ANO10: variants seen among roughly 807,000 people sequenced by gnomAD.
ANO10 encodes anoctamin 10, also known as anoctamin-10.
In ANO10, 77 loss-of-function variants were observed where a neutral mutation model predicts 74.7. The ratio of observed to expected loss-of-function variants is 1.03; its 90% CI spans 0.86 to 1.25. The LOEUF (loss-of-function observed/expected upper bound fraction) is 1.25. ANO10 is among the 50% of genes most tolerant of loss of function. The pLI is 0.00. For missense variants in ANO10, 721 were observed against 778.1 expected, an observed-to-expected ratio of 0.93 and a Z score of 0.87; for synonymous variants, 279 against 284.9, an observed-to-expected ratio of 0.98 and a Z score of 0.21.
chr3:43,523,444 G>C (rs1181999948), intron 11 of ANO10, among the ~76,000 whole-genome samples: 3 of 152,194 alleles, frequency 2.0e-5, no homozygotes, highest in Non-Finnish European at 4.4e-5. Context: ...CAGCAGAATG[G>C]ATTAGAGAGC....
At position 43,687,796 on chromosome 3, in the gene ANO10, T is replaced by G. The variant is rs73087085; in HGVS notation, c.-12+3721A>C. 5.7e-3 allele frequency among the ~76,000 whole-genome samples: 870 copies of G among 152,242 alleles called. 5 individuals are homozygous for G. The highest frequency in any genetic ancestry group is 9.9e-3 in the Non-Finnish European group (676 of 68,006). On this transcript the variant is annotated intron_variant, in intron 1 of 3. Transcript: ENST00000413397. ...CCATCAAAGTTCAGGGAGGTAGTGATGGAGGAAGTCTGGTCCAAGCAGTGG... is the reference window on the plus strand; with the variant it reads ...CCATCAAAGTTCAGGGAGGTAGTGAGGGAGGAAGTCTGGTCCAAGCAGTGG...
In ANO10 at chr3:43,601,525, T is replaced by C. The variant is rs964430226; in HGVS notation, c.140-944A>G. On this transcript the variant is annotated intron_variant, in intron 2 of 12. Coordinates refer to ENST00000292246, the MANE Select transcript of ANO10 (RefSeq NM_018075.5). ...ACTTTTAAAGGTACATTTATTTCTT[T>C]ACTATTTACCCTCTAGAGATGGTTG... Among the ~76,000 whole-genome samples the C allele has an allele frequency of 3.9e-5, 6 of 152,232 alleles. No individual in the cohort carries two copies. The East Asian group carries it at 1.2e-3, about 29-fold the overall frequency.
intron 1 of ANO10, among the ~76,000 whole-genome samples, chr3:43,669,928 G>A (rs1359337937): frequency 2.0e-5 from 3 of 152,050 alleles, no homozygotes; most frequent in African/African-American, 4.8e-5. Context: ...GTTTCACCAT[G>A]TTGGCCAGGA....
At chr3:43,553,659 C>A (rs1180277022) in intron 10 of ANO10, among the ~76,000 whole-genome samples, 1 of 151,960 alleles carries the variant, frequency 6.6e-6, no homozygotes, top group Non-Finnish European at 1.5e-5. Flanking sequence ...CCTCAGCCTC[C>A]CAAGTAGCTG....
At chr3:43,374,368 T>C (rs1265891893) in intron 12 of ANO10, among the ~76,000 whole-genome samples, 2 of 152,218 alleles carry the variant, frequency 1.3e-5, no homozygotes, top group African/African-American at 4.8e-5. Flanking sequence ...CACATTTGAT[T>C]TACTCCTCAT....
intron 1 of ANO10, among the ~76,000 whole-genome samples, chr3:43,628,193 G>A (rs959596849): frequency 5.3e-5 from 8 of 152,310 alleles, no homozygotes; most frequent in African/African-American, 1.2e-4. Flanking sequence ...GACCCCAAAC[G>A]GAGGGACCGA....
chr3:43,522,938 G>T (rs2078023423), intron 11 of ANO10, among the ~76,000 whole-genome samples: 1 of 152,142 alleles, frequency 6.6e-6, no homozygotes. Context: ...ATTATTACTG[G>T]CTCAATATAG....
intron 1 of ANO10, among the ~76,000 whole-genome samples, chr3:43,672,022 G>A (rs2149577754): frequency 6.6e-6 from 1 of 152,298 alleles, no homozygotes; most frequent in East Asian, 1.9e-4. Flanking sequence ...TTGTGCAGCT[G>A]AAATTCTTGA....
At chr3:43,622,180 G>A (rs2083433044), upstream of ANO10, 4 of 152,536 alleles carry the variant, frequency 2.6e-5, no homozygotes, top group Admixed American at 2.6e-4. Context: ...CGATCGTAGT[G>A]GACGAGAACC....
At chr3:43,399,679 T>C (rs1220350924) in intron 12 of ANO10, among the ~76,000 whole-genome samples, 1 of 152,214 alleles carries the variant, frequency 6.6e-6, no homozygotes, top group African/African-American at 2.4e-5. Context: ...GTAGACTGCA[T>C]ATAACAGTCA....
Position 43,391,288 on chromosome 3 carries a change from G to A in ANO10, c.1915-24314C>T, listed in dbSNP as rs115111592. Reference sequence around the variant, plus strand: ...AATTCAGAAAATATCAAAAACAGACGGGAAGTTCTAAAGTATTACTGCAGA... The same window carrying A: ...AATTCAGAAAATATCAAAAACAGACAGGAAGTTCTAAAGTATTACTGCAGA... On this transcript the variant is annotated intron_variant, in intron 12 of 12. Coordinates refer to ENST00000292246, the MANE Select transcript of ANO10 (RefSeq NM_018075.5). Among the ~76,000 whole-genome samples, 740 of 152,162 alleles carry A rather than the reference G, an allele frequency of 4.9e-3. 5 individuals are homozygous for A. The highest frequency in any genetic ancestry group is 0.017 in the African/African-American group (699 of 41,508).
In ANO10 at chr3:43,690,871, G is replaced by C. The variant is rs986437233; in HGVS notation, c.-12+646C>G. 18 of 1,125,558 alleles carry C rather than the reference G, an allele frequency of 1.6e-5. No homozygotes were observed. The Admixed American group carries it at 3.8e-4, about 24-fold the overall frequency. The allele number at this position is 1,125,558 out of a possible 1,614,324, so 69.7% of individuals were successfully genotyped here. ...GCGGGCGCGCCGCCGGGCCGTGCTA[G>C]TGCGCGGAAGACGCATGCGCTGGCG... On this transcript the variant is annotated intron_variant, in intron 1 of 3. Coordinates refer to the ANO10 transcript ENST00000413397.
intron 1 of ANO10, among the ~76,000 whole-genome samples, chr3:43,667,518 G>A (rs57447291): frequency 6.6e-6 from 1 of 152,046 alleles, no homozygotes; most frequent in South Asian, 2.1e-4. Context: ...TGATTTCTGA[G>A]ATTTTAGGGC....
At chr3:43,378,316 C>A (rs1206969335) in intron 12 of ANO10, among the ~76,000 whole-genome samples, 2 of 152,154 alleles carry the variant, frequency 1.3e-5, no homozygotes, top group East Asian at 3.9e-4. Context: ...AAAGGAGGCA[C>A]CCAGGCATCA....
chr3:43,418,409 T>C (rs1307708567), intron 12 of ANO10, among the ~76,000 whole-genome samples: 3 of 152,350 alleles, frequency 2.0e-5, no homozygotes, highest in Admixed American at 6.5e-5. Flanking sequence ...GCCAGAGACC[T>C]GGGTGTACAG....
intron 12 of ANO10, among the ~76,000 whole-genome samples, chr3:43,385,751 G>C (rs2092097276): frequency 7.4e-6 from 1 of 134,640 alleles, no homozygotes; most frequent in Non-Finnish European, 1.6e-5. Context: ...GGACATGGGG[G>C]AAAGGATGGG....
intron 11 of ANO10, among the ~76,000 whole-genome samples, chr3:43,466,470 T>C (rs914564432): frequency 6.7e-6 from 1 of 148,890 alleles, no homozygotes; most frequent in Non-Finnish European, 1.5e-5. Context: ...GAGACACACA[T>C]ATATGGCAAG....
chr3:43,436,538 A>C (rs1445375571), intron 11 of ANO10, among the ~76,000 whole-genome samples: 3 of 152,188 alleles, frequency 2.0e-5, no homozygotes, highest in African/African-American at 7.2e-5. Context: ...GCAAATACAA[A>C]GAAGTTGGCT....
chr3:43,413,007 C>T (rs902464728), intron 12 of ANO10, among the ~76,000 whole-genome samples: 3 of 152,140 alleles, frequency 2.0e-5, no homozygotes, highest in African/African-American at 7.2e-5. Flanking sequence ...GCCAAGGTTG[C>T]CCCACTTGCA....
Sources: gnomAD v4.1 joint callset for allele counts (sites outside exome capture counted in the v4.1 genomes callset) on GRCh38, gnomAD v4.1.1 for gene constraint, MANE v1.5 for transcripts, NCBI Gene and HGNC (gene_info 2026-07-23, HGNC 2026-07-21) for gene names.